CPO: variants seen among roughly 807,000 people sequenced by gnomAD.
CPO encodes carboxypeptidase O.
In CPO, 43 loss-of-function variants were observed where a neutral mutation model predicts 41.2. That is an observed-to-expected ratio of 1.04 (90% confidence interval 0.82 to 1.35). The LOEUF (loss-of-function observed/expected upper bound fraction) is 1.35, where lower values mean the gene tolerates loss of function less well. Ranked by LOEUF, CPO falls within the 40% of genes most tolerant of loss-of-function variation. The pLI is 0.00. For synonymous variants in CPO, 178 were observed against 162.7 expected, an observed-to-expected ratio of 1.09 and a Z score of -0.72; for missense variants, 408 against 451.7, an observed-to-expected ratio of 0.90 and a Z score of 0.88.
chr2:206,966,213 T>A lies in CPO; in HGVS notation c.778-2050T>A, dbSNP rs1327666504. 4.1e-5 allele frequency among the ~76,000 whole-genome samples: 6 copies of A among 146,034 alleles called. 1 individual carries two copies. Among genetic ancestry groups the A allele is most frequent in the South Asian group, 4.4e-4 (2 of 4,534 alleles). ...AGCTGGCAATGTGAAAAAAAAAAAA[T>A]TTGTTGTCTAGGGCAAGCTGCAGGA... On this transcript the variant is annotated intron_variant, in intron 7 of 8. Transcript: ENST00000272852.
At position 206,958,193 on chromosome 2, in the gene CPO, G is replaced by A. The variant is rs180776528; in HGVS notation, c.268-108G>A. The A allele has an allele frequency of 1.0e-5, 6 of 580,152 alleles. No individual in the cohort carries two copies. In the Admixed American group the frequency reaches 1.8e-4, roughly 17 times the overall value. The allele number at this position is 580,152 out of a possible 1,614,324, so 35.9% of individuals were successfully genotyped here. The stretch of plus-strand genomic sequence containing the variant: ...CTTGCCTCCCTCTTGAAACCACAGA[G>A]TGGAGTGAAAAAGGAACCTCTAGGG... On this transcript the variant is annotated intron_variant, in intron 3 of 8. Coordinates refer to ENST00000272852, the MANE Select transcript of CPO (RefSeq NM_173077.3).
intron 7 of CPO, among the ~76,000 whole-genome samples, chr2:206,964,127 C>T (rs945817625): frequency 6.6e-6 from 1 of 152,128 alleles, no homozygotes. Context: ...TTAGGTTATA[C>T]CTTTTGCACA....
chr2:206,969,282 C>T lies in CPO; in HGVS notation c.971C>T (p.Ala324Val), dbSNP rs1693641085. The T allele has an allele frequency of 2.5e-6, 4 of 1,613,976 alleles. No homozygotes were observed. Among genetic ancestry groups the T allele is most frequent in the Admixed American group, 1.7e-5 (1 of 59,996 alleles). Residue 324 changes from alanine (A) to valine (V), a missense_variant, in exon 9 of 9, where the codon GCT (alanine) becomes GTT (valine). By Grantham distance (64) the Ala-to-Val change is moderately conservative. Coordinates refer to ENST00000272852, the MANE Select transcript of CPO (RefSeq NM_173077.3). Reference sequence around the variant, plus strand: ...ACATATGGGTTTGTTCTGCCAGAAGCTCAGATCCAGCCCACCTGTGAGGAG... The same window carrying T: ...ACATATGGGTTTGTTCTGCCAGAAGTTCAGATCCAGCCCACCTGTGAGGAG... ...SGTYGFVLPE[A>V]QIQPTCEETM...
chr2:206,946,385 G>A (rs1244903664), intron 1 of CPO, among the ~76,000 whole-genome samples: 3 of 152,050 alleles, frequency 2.0e-5, no homozygotes, highest in Non-Finnish European at 4.4e-5. Flanking sequence ...AACATAACAT[G>A]ATTATATAAA....
intron 5 of CPO, 64 bp from the exon 6 acceptor site, chr2:206,960,788 C>T: frequency 3.5e-6 from 4 of 1,130,664 alleles, no homozygotes; most frequent in Non-Finnish European, 5.4e-6. Context: ...GACCACCTAT[C>T]ATCACTAACA....
At chr2:206,944,009 T>C (rs114199239) in intron 1 of CPO, among the ~76,000 whole-genome samples, 1,852 of 152,196 alleles carry the variant, frequency 0.012, 18 homozygotes, top group Non-Finnish European at 0.02. Flanking sequence ...TTTTTTGCTT[T>C]TGATGTGTTT....
intron 2 of CPO, among the ~76,000 whole-genome samples, chr2:206,954,026 C>G (rs1218422752): frequency 6.6e-6 from 1 of 152,152 alleles, no homozygotes; most frequent in African/African-American, 2.4e-5. Context: ...CTGCACAGAA[C>G]AAGGGGGCCC....
At chr2:206,956,415 T>TCATCAGCAG (rs145677433) in intron 3 of CPO, among the ~76,000 whole-genome samples, 6 of 151,160 alleles carry the variant, frequency 4.0e-5, no homozygotes, top group African/African-American at 1.5e-4. Flanking sequence ...ATCATCATCA[T>TCATCAGCAG]CAGCAGCAGC....
chr2:206,945,957 T>TTA (rs1559069095), intron 1 of CPO, among the ~76,000 whole-genome samples: 14 of 146,380 alleles, frequency 9.6e-5, no homozygotes, highest in African/African-American at 2.4e-4. Context: ...AATAAATATT[T>TTA]AAAAAAATTT....
At chr2:206,942,853 T>C (rs1460442199) in intron 1 of CPO, among the ~76,000 whole-genome samples, 2 of 152,192 alleles carry the variant, frequency 1.3e-5, no homozygotes, top group Admixed American at 1.3e-4. Context: ...TATTCGAGTT[T>C]CTGAGGTTTA....
intron 1 of CPO, among the ~76,000 whole-genome samples, chr2:206,944,571 G>GT (rs1307562172): frequency 6.6e-6 from 1 of 151,720 alleles, no homozygotes; most frequent in Non-Finnish European, 1.5e-5. Context: ...CATTTTCATT[G>GT]TTTTAACCAA....
chr2:206,962,443 A>C lies in CPO; in HGVS notation c.606A>C (p.Gln202His). Residue 202 changes from glutamine to histidine, a missense_variant, in exon 7 of 9, where the codon CAA becomes CAC. Gln to His is a conservative substitution (Grantham distance 24, BLOSUM62 0). Transcript: ENST00000272852. ...GTGCCTCTAGAAACTGCCAAGATCA[A>C]ACATTCTGTGGGACAGGGCCAGTGT... is the stretch of plus-strand genomic sequence containing the variant. ...SIGASRNCQD[Q>H]TFCGTGPVSE... 6.2e-7 allele frequency: 1 copy of C among 1,614,166 alleles called. No individual in the cohort carries two copies. Among genetic ancestry groups the C allele is most frequent in the Non-Finnish European group, 8.5e-7 (1 of 1,179,994 alleles).
At chr2:206,959,581 A>G (rs1192577610) in intron 4 of CPO, 50 bp from the exon 5 acceptor site, 1 of 863,658 alleles carries the variant, frequency 1.2e-6, no homozygotes, top group South Asian at 1.4e-5. Context: ...GAAAATTAAG[A>G]GAGAAAAGAT....
chr2:206,941,049 C>CA (rs1256087952), intron 1 of CPO, among the ~76,000 whole-genome samples: 5 of 151,708 alleles, frequency 3.3e-5, no homozygotes, highest in South Asian at 2.1e-4. Context: ...ACAGGAAATA[C>CA]AAAAAAAATT....
chr2:206,958,314 C>A lies in CPO; in HGVS notation c.281C>A (p.Ser94Tyr). Residue 94 changes from serine to tyrosine, a missense_variant, in exon 4 of 9, where the codon TCT becomes TAT. Physicochemically the swap from Ser to Tyr is moderately radical, Grantham distance 144 (BLOSUM62 -2). Coordinates refer to ENST00000272852, the MANE Select transcript of CPO (RefSeq NM_173077.3). ...TATCTTCTCCAGATCAGCCAACCAT[C>A]TGGTAATCCCAAGAAAATCATTTGG... Reference protein sequence around the residue: ...PMYYLKISQPSGNPKKIIWMD... With the variant: ...PMYYLKISQPYGNPKKIIWMD... The A allele has an allele frequency of 6.3e-7, 1 of 1,585,950 alleles. No homozygotes were observed. The highest frequency in any genetic ancestry group is 8.6e-7 in the Non-Finnish European group (1 of 1,164,506).
Position 206,958,728 on chromosome 2 carries a change from G to GTTTTT in CPO, c.372+349_372+353dup, listed in dbSNP as rs752377148. ...CTAATAGTATTTGGCAAATTTTCTA[G>GTTTTT]TTTTTTTTTTTTTTTTTTTTTTTTT... is the stretch of plus-strand genomic sequence containing the variant. On this transcript the variant is annotated intron_variant, in intron 4 of 8. Coordinates refer to ENST00000272852, the MANE Select transcript of CPO (RefSeq NM_173077.3). Among the ~76,000 whole-genome samples the GTTTTT allele has an allele frequency of 2.1e-3, 111 of 53,328 alleles. 6 individuals are homozygous for GTTTTT. The highest frequency in any genetic ancestry group is 6.6e-3 in the African/African-American group (96 of 14,620). 35.0% of individuals were successfully genotyped at this position (53,328 alleles called of 152,430 possible). A position where few individuals can be genotyped will look rare whatever the true frequency, so the allele number is the denominator to read the frequency against.
Position 206,968,468 on chromosome 2 carries a change from C to G in CPO, c.862+121C>G, listed in dbSNP as rs973991330. On this transcript the variant is annotated intron_variant, in intron 8 of 8. Coordinates refer to ENST00000272852, the MANE Select transcript of CPO (RefSeq NM_173077.3). ...TTCCTGGGATCAACAGGGAGTTGTA[C>G]AAATCAAAATGACCAAGGATAAAAG... 1.4e-5 allele frequency: 9 copies of G among 666,312 alleles called. No homozygotes were observed. The African/African-American group carries it at 1.4e-4, about 11-fold the overall frequency. 41.3% of individuals were successfully genotyped at this position (666,312 alleles called of 1,614,324 possible). A position where few individuals can be genotyped will look rare whatever the true frequency, so the allele number is the denominator to read the frequency against.
chr2:206,956,940 G>A (rs1289699062), intron 3 of CPO, among the ~76,000 whole-genome samples: 4 of 152,104 alleles, frequency 2.6e-5, no homozygotes, highest in East Asian at 3.8e-4. Flanking sequence ...CCAAGTCTAC[G>A]CCAAAGCAGT....
Position 206,969,423 on chromosome 2 carries a change from T to C in CPO, c.1112T>C (p.Met371Thr), listed in dbSNP as rs1199466541. 2.5e-6 allele frequency: 4 copies of C among 1,614,012 alleles called. No individual in the cohort carries two copies. In the Admixed American group the frequency reaches 6.7e-5, roughly 27 times the overall value. Residue 371 changes from methionine (M) to threonine (T), a missense_variant, in exon 9 of 9, where the codon ATG becomes ACG. Coordinates refer to ENST00000272852, the MANE Select transcript of CPO (RefSeq NM_173077.3). ...TMLLGLLVSC[M>T]SLL ...CTGCTGGGCCTGCTGGTGTCCTGCA[T>C]GTCTCTTCTCTAAGTGCATTCTGCC...
Sources: gnomAD v4.1 joint callset for allele counts (sites outside exome capture counted in the v4.1 genomes callset) on GRCh38, gnomAD v4.1.1 for gene constraint, MANE v1.5 for transcripts, NCBI Gene and HGNC (gene_info 2026-07-23, HGNC 2026-07-21) for gene names.